The following C5 variants were observed in gnomAD, a reference collection of about 807,000 sequenced individuals.
The protein encoded by C5 is complement C5.
C5 carries 140 observed loss-of-function variants against 218.8 expected under a neutral mutation model. The ratio of observed to expected loss-of-function variants is 0.64; its 90% CI spans 0.56 to 0.74. The LOEUF (loss-of-function observed/expected upper bound fraction) is 0.74. Ranked by LOEUF, C5 falls within the 30% of genes least tolerant of loss-of-function variation. C5 has a pLI of 0.00. For synonymous variants in C5, 614 were observed against 682.3 expected (o/e 0.90, Z 1.56); for missense variants, 1,700 against 1,969.6 (o/e 0.86, Z 2.59).
At chr9:120,963,055 G>C (rs2131670142) in intron 34 of C5, 88 bp from the exon 35 acceptor site, 1 of 996,098 alleles carries the variant, frequency 1.0e-6, no homozygotes, top group African/African-American at 1.6e-5. Context: ...GCACAATGCA[G>C]GGATGTGATC....
Position 120,961,470 on chromosome 9 carries a change from A to G in C5, c.4588+12T>C. ...ATAAGCATGCAGCCTAAATATGTTA[A>G]ATAAAGTTTACCTTCTACACACTTG... is the stretch of plus-strand genomic sequence containing the variant. On this transcript the variant is annotated intron_variant, in intron 37 of 40. Transcript: ENST00000223642. The G allele has an allele frequency of 1.9e-6, 3 of 1,575,720 alleles. No individual in the cohort carries two copies. Among genetic ancestry groups the G allele is most frequent in the Non-Finnish European group, 2.6e-6 (3 of 1,145,148 alleles).
At chr9:121,017,972 G>T (rs923872885) in intron 12 of C5, 120 bp from the exon 13 acceptor site, 4 of 710,168 alleles carry the variant, frequency 5.6e-6, no homozygotes, top group South Asian at 4.7e-5. Flanking sequence ...ATAAAGTTAG[G>T]CTGGGCACAG....
intron 14 of C5, 62 bp from the exon 15 acceptor site, chr9:121,016,445 A>G: frequency 1.4e-5 from 23 of 1,594,100 alleles, no homozygotes; most frequent in Non-Finnish European, 1.6e-5. Flanking sequence ...CTAAAGATCT[A>G]AAAGGTACTA....
At chr9:121,014,192 T>C (rs2047287540) in intron 16 of C5, 122 bp from the exon 17 acceptor site, 5 of 826,758 alleles carry the variant, frequency 6.0e-6, no homozygotes, top group East Asian at 2.6e-5. Context: ...ACAATAGTTA[T>C]GGCTAGTTGA....
At chr9:121,069,509 A>G in the C5 span, among the ~76,000 whole-genome samples, 1 of 151,492 alleles carries the variant, frequency 6.6e-6, no homozygotes, top group Non-Finnish European at 1.5e-5. Flanking sequence ...GCTGGGGAGG[A>G]TGTGGAGAAA....
upstream of C5, among the ~76,000 whole-genome samples, chr9:121,051,205 C>G (rs564031721): frequency 1.3e-3 from 200 of 151,746 alleles, 1 homozygote; most frequent in African/African-American, 4.6e-3. Flanking sequence ...TCAGGGCAAC[C>G]TCTGCCTCCC....
intron 36 of C5, 106 bp from the exon 37 acceptor site, chr9:120,961,671 ACC>A (rs2046828643): frequency 3.9e-6 from 3 of 774,452 alleles, no homozygotes; most frequent in South Asian, 1.4e-5. Flanking sequence ...CTTATTTTAA[ACC>A]CTTCTTTTTA....
At chr9:121,070,410 T>C in the C5 span, among the ~76,000 whole-genome samples, 1 of 138,320 alleles carries the variant, frequency 7.2e-6, no homozygotes, top group East Asian at 2.1e-4. Context: ...TATATATATA[T>C]ATATATATAT....
At chr9:120,957,481 A>C in intron 38 of C5, 113 bp from the exon 39 acceptor site, 1 of 776,788 alleles carries the variant, frequency 1.3e-6, no homozygotes, top group Non-Finnish European at 2.3e-6. Context: ...AAACTATTAT[A>C]GTTCTTATTT....
intron 17 of C5, among the ~76,000 whole-genome samples, chr9:121,011,912 G>C (rs910407011): frequency 1.3e-5 from 2 of 152,076 alleles, no homozygotes; most frequent in Non-Finnish European, 2.9e-5. Context: ...TTATTTGTGG[G>C]TGCTAAAAAT....
At chr9:120,981,525 C>T (rs1473117430) in intron 27 of C5, among the ~76,000 whole-genome samples, 1 of 152,218 alleles carries the variant, frequency 6.6e-6, no homozygotes, top group African/African-American at 2.4e-5. Context: ...GCTGGGGGCA[C>T]TGGATCATTC....
chr9:120,970,705 G>T (rs1277787146), intron 31 of C5, among the ~76,000 whole-genome samples: 1 of 152,348 alleles, frequency 6.6e-6, no homozygotes, highest in East Asian at 1.9e-4. Context: ...ACACCAACCA[G>T]AAGTGGCAGA....
chr9:120,971,953 CA>C lies in C5; in HGVS notation c.4056del (p.Phe1352LeufsTer10). On this transcript the variant is annotated frameshift_variant, in exon 31 of 41. Transcript: ENST00000223642. LOFTEE classifies it high-confidence loss of function. ...ACATGTACTGTAGCCAAGCCACTGC[CA>C]AATCCTGTACTGACAATGAGGTCAT... The part of the protein sequence containing the change: ...LNDDLIVSTG[F>X]GSGLATVHVT... 1.2e-6 allele frequency: 2 copies of C among 1,613,336 alleles called. No individual in the cohort carries two copies. The highest frequency in any genetic ancestry group is 1.7e-6 in the Non-Finnish European group (2 of 1,179,438).
chr9:120,982,511 C>A, intron 26 of C5, 144 bp downstream of exon 26: 2 of 658,678 alleles, frequency 3.0e-6, no homozygotes, highest in East Asian at 2.8e-5. Flanking sequence ...ATGGGAAAGA[C>A]CTTTGTATAT....
intron 16 of C5, among the ~76,000 whole-genome samples, chr9:121,014,308 A>G (rs1277708437): frequency 1.3e-5 from 2 of 152,236 alleles, no homozygotes; most frequent in African/African-American, 2.4e-5. Flanking sequence ...CCTGCAATTA[A>G]GCTAAATACT....
chr9:120,961,577 A>G lies in C5; in HGVS notation c.4505-12T>C. ...GGTACACTGTTTATCTGTGGCAACA[A>G]AAGTGTGGTTAAGAGAAGTGGTTTG... On this transcript the variant is annotated splice_polypyrimidine_tract_variant and intron_variant, in intron 36 of 40. Transcript: ENST00000223642. 1.2e-5 allele frequency: 18 copies of G among 1,560,118 alleles called. No individual in the cohort carries two copies. The highest frequency in any genetic ancestry group is 1.3e-5 in the Non-Finnish European group (15 of 1,130,976).
At chr9:120,983,778 T>A (rs2047012908) in intron 25 of C5, among the ~76,000 whole-genome samples, 1 of 151,070 alleles carries the variant, frequency 6.6e-6, no homozygotes, top group Admixed American at 6.6e-5. Flanking sequence ...TGCCACTGCA[T>A]CCAGCCTGAG....
Position 120,960,272 on chromosome 9 carries a change from C to T in C5, c.4654G>A (p.Ala1552Thr), listed in dbSNP as rs147051026. 55 of 1,612,452 alleles carry T rather than the reference C, an allele frequency of 3.4e-5. No homozygotes were observed. The highest frequency in any genetic ancestry group is 1.6e-4 in the Middle Eastern group (1 of 6,078). The change falls in exon 38 of 41, where the codon GCA (alanine) becomes ACA (threonine). Residue 1552 changes from alanine (A) to threonine (T), a missense_variant. Coordinates refer to ENST00000223642, the MANE Select transcript of C5 (RefSeq NM_001735.3). Reference sequence around the variant, plus strand: ...CCATATGCAATCTCTGGTTTACATGCTGTTTGTTTTCTTGTCTCTGCAGAG... The same window carrying T: ...CCATATGCAATCTCTGGTTTACATGTTGTTTGTTTTCTTGTCTCTGCAGAG... Reference protein sequence around the residue: ...TISAETRKQTACKPEIAYAYK... With the variant: ...TISAETRKQTTCKPEIAYAYK...
At position 121,017,447 on chromosome 9, in the gene C5, G is replaced by A. The variant is rs2047317166; in HGVS notation, c.1781C>T (p.Thr594Ile). ...PGQTVSLNMA[T>I]GMDSWVALAA... Reference sequence around the variant, plus strand: ...TAATGCCACCCAGGAATCCATTCCAGTTGCCATATTAAGAGACACAGTTTG... The same window carrying A: ...TAATGCCACCCAGGAATCCATTCCAATTGCCATATTAAGAGACACAGTTTG... The change falls in exon 14 of 41, where the codon ACT (threonine) becomes ATT (isoleucine). Residue 594 changes from threonine (T) to isoleucine (I), a missense_variant. Thr to Ile is a moderately conservative substitution (Grantham distance 89, BLOSUM62 -1). Transcript: ENST00000223642. The A allele has an allele frequency of 6.2e-7, 1 of 1,613,840 alleles. No individual in the cohort carries two copies. Among genetic ancestry groups the A allele is most frequent in the Non-Finnish European group, 8.5e-7 (1 of 1,179,976 alleles).
Sources: gnomAD v4.1 joint callset for allele counts (sites outside exome capture counted in the v4.1 genomes callset) on GRCh38, gnomAD v4.1.1 for gene constraint, MANE v1.5 for transcripts, NCBI Gene and HGNC (gene_info 2026-07-23, HGNC 2026-07-21) for gene names.